Variants in UBE3C observed in about 807,000 individuals in gnomAD.
UBE3C encodes ubiquitin-protein ligase E3C.
A neutral mutation model predicts 129.4 loss-of-function variants in UBE3C; 42 were observed. That is an observed-to-expected ratio of 0.32 (90% CI 0.25 to 0.42). UBE3C has a LOEUF of 0.42. Among genes scored for constraint, UBE3C ranks in the 10% least tolerant of loss-of-function variants. UBE3C has a pLI of 1.00. For missense variants in UBE3C, 1,049 were observed against 1,319.1 expected, an observed-to-expected ratio of 0.80 and a Z score of 3.17; for synonymous variants, 510 against 492.4, an observed-to-expected ratio of 1.04 and a Z score of -0.47.
intron 1 of UBE3C, among the ~76,000 whole-genome samples, chr7:157,150,818 A>G (rs562288747): frequency 9.8e-5 from 15 of 152,354 alleles, no homozygotes; most frequent in Non-Finnish European, 1.5e-4. Context: ...GAAAGATACT[A>G]GTTGCTTATT....
At chr7:157,160,031 A>G (rs1026748398) in intron 1 of UBE3C, among the ~76,000 whole-genome samples, 1 of 152,190 alleles carries the variant, frequency 6.6e-6, no homozygotes, top group Non-Finnish European at 1.5e-5. Context: ...GACTTTTTAT[A>G]AATAAACTTG....
At chr7:157,218,609 C>T (rs896039758) in intron 14 of UBE3C, among the ~76,000 whole-genome samples, 3 of 152,206 alleles carry the variant, frequency 2.0e-5, no homozygotes, top group Non-Finnish European at 4.4e-5. Flanking sequence ...GCAATGGTGG[C>T]AGATCCCCCA....
At chr7:157,178,059 A>G (rs1264798880) in intron 5 of UBE3C, among the ~76,000 whole-genome samples, 4 of 151,986 alleles carry the variant, frequency 2.6e-5, no homozygotes, top group African/African-American at 9.7e-5. Context: ...GTGGGGGGAA[A>G]GAGGGAGGAG....
At chr7:157,249,006 G>A (rs2116682501) in intron 19 of UBE3C, among the ~76,000 whole-genome samples, 1 of 152,194 alleles carries the variant, frequency 6.6e-6, no homozygotes, top group South Asian at 2.1e-4. Flanking sequence ...GGTTACTTTT[G>A]TTACTTATAT....
chr7:157,238,867 CA>C (rs1796221226), intron 18 of UBE3C, among the ~76,000 whole-genome samples: 1 of 152,084 alleles, frequency 6.6e-6, no homozygotes, highest in Non-Finnish European at 1.5e-5. Flanking sequence ...GGGAGAAAAC[CA>C]GAGAAGTGGG....
chr7:157,178,918 C>T, intron 6 of UBE3C, 71 bp downstream of exon 6: 1 of 1,548,662 alleles, frequency 6.5e-7, no homozygotes. Flanking sequence ...CAGCCTGCTG[C>T]TGTGAGCCTG....
rs539005652 is a variant in UBE3C at position 157,194,631 on chromosome 7, C to G, written c.1332-7090C>G. On this transcript the variant is annotated intron_variant, in intron 10 of 22. Transcript: ENST00000348165. The stretch of plus-strand genomic sequence containing the variant: ...ATGTGGAATGTTAATGCTAGGGAGG[C>G]CTTGAAGGAAGAAAGGAGTATAGCA... 2.0e-5 allele frequency among the ~76,000 whole-genome samples: 3 copies of G among 152,166 alleles called. No homozygotes were observed. The South Asian group carries it at 6.2e-4, about 32-fold the overall frequency.
chr7:157,189,336 G>C, intron 10 of UBE3C: 1 of 179,282 alleles, frequency 5.6e-6, no homozygotes, highest in Non-Finnish European at 1.1e-5. Context: ...ACCATTGGAC[G>C]TGGAAATTTG....
chr7:157,225,267 T>C, intron 16 of UBE3C, 140 bp from the exon 17 acceptor site: 1 of 895,176 alleles, frequency 1.1e-6, no homozygotes, highest in South Asian at 2.1e-5. Context: ...TTGATAAAAA[T>C]CAAGATTTGA....
chr7:157,172,751 C>T (rs926925079), intron 4 of UBE3C, among the ~76,000 whole-genome samples: 2 of 152,182 alleles, frequency 1.3e-5, no homozygotes, highest in Non-Finnish European at 2.9e-5. Flanking sequence ...ATCGGGCTTG[C>T]TTTCTGGAAC....
chr7:157,208,546 A>G, intron 13 of UBE3C, among the ~76,000 whole-genome samples: 1 of 152,216 alleles, frequency 6.6e-6, no homozygotes, highest in Non-Finnish European at 1.5e-5. Flanking sequence ...TAACTGTGAC[A>G]CGATGAAATA....
rs967223043 is a variant in UBE3C at position 157,241,906 on chromosome 7, A to G, written c.2482-6462A>G. ...TGTTCTGCCCGGTGAGAGCAGATGC[A>G]GAGATCACCAAAGACATGGTTCCAT... is the stretch of plus-strand genomic sequence containing the variant. On this transcript the variant is annotated intron_variant, in intron 18 of 22. Transcript: ENST00000348165. 2.0e-5 allele frequency among the ~76,000 whole-genome samples: 3 copies of G among 152,354 alleles called. No homozygotes were observed. The South Asian group carries it at 6.2e-4, about 32-fold the overall frequency.
At chr7:157,140,055 C>T (rs1026013312) in intron 1 of UBE3C, 1 of 984,872 alleles carries the variant, frequency 1.0e-6, no homozygotes, top group Non-Finnish European at 1.2e-6. Flanking sequence ...AACCATGACG[C>T]CTCTGTTCTA....
intron 17 of UBE3C, among the ~76,000 whole-genome samples, chr7:157,228,842 C>A (rs1795945865): frequency 6.6e-6 from 1 of 152,214 alleles, no homozygotes; most frequent in African/African-American, 2.4e-5. Flanking sequence ...TGACACATAT[C>A]ATAGACTATT....
chr7:157,208,013 T>G, intron 13 of UBE3C, 78 bp downstream of exon 13: 1 of 670,582 alleles, frequency 1.5e-6, no homozygotes, highest in Non-Finnish European at 2.0e-6. Flanking sequence ...TGCAGAGGAA[T>G]AAAAATGCAG....
chr7:157,163,070 T>G (rs970277781), intron 1 of UBE3C, among the ~76,000 whole-genome samples: 22 of 152,172 alleles, frequency 1.4e-4, no homozygotes, highest in African/African-American at 5.3e-4. Context: ...AATTGTAGAT[T>G]CATATGCAGC....
chr7:157,198,145 T>C (rs759100609), intron 10 of UBE3C: 47 of 1,612,896 alleles, frequency 2.9e-5, no homozygotes, highest in Non-Finnish European at 3.8e-5. Flanking sequence ...CTGAAACCAT[T>C]GCTCCACAGT....
chr7:157,208,054 A>ATTTT (rs1809486118), intron 13 of UBE3C, 119 bp downstream of exon 13: 1 of 114,718 alleles, frequency 8.7e-6, no homozygotes, highest in Non-Finnish European at 1.8e-5. Context: ...AATTTGCAAG[A>ATTTT]CTTTTTTTTT....
chr7:157,163,919 C>T (rs1416572969), intron 2 of UBE3C, 56 bp downstream of exon 2: 2 of 1,550,092 alleles, frequency 1.3e-6, no homozygotes, highest in African/African-American at 1.4e-5. Flanking sequence ...AGCATTTAAA[C>T]ATGCCTTGGT....
Sources: allele counts gnomAD v4.1 joint callset (sites outside exome capture counted in the v4.1 genomes callset), GRCh38; gene constraint gnomAD v4.1.1; transcripts MANE v1.5; gene names NCBI Gene and HGNC (gene_info 2026-07-23, HGNC 2026-07-21).